ZBBX: variants seen among roughly 807,000 people sequenced by gnomAD.
ZBBX encodes zinc finger B-box domain-containing protein 1.
Under a neutral mutation model 108.5 loss-of-function variants are expected in ZBBX, and 101 were observed. The observed-to-expected ratio is 0.93, with a 90% CI of 0.79 to 1.10. ZBBX has a LOEUF of 1.10. ZBBX is among the 50% of genes least tolerant of loss of function. The pLI is 0.00. For missense variants in ZBBX, 1,009 were observed against 941.4 expected, an observed-to-expected ratio of 1.07 and a Z score of -0.94; for synonymous variants, 356 against 323.4, an observed-to-expected ratio of 1.10 and a Z score of -1.08.
chr3:167,215,601 A>G, the ZBBX span, among the ~76,000 whole-genome samples: 1 of 152,180 alleles, frequency 6.6e-6, no homozygotes, highest in Non-Finnish European at 1.5e-5. Context: ...TAAATTGAAT[A>G]GGAGAGACTT....
At chr3:167,217,367 G>T in the ZBBX span, among the ~76,000 whole-genome samples, 1 of 152,096 alleles carries the variant, frequency 6.6e-6, no homozygotes, top group East Asian at 1.9e-4. Context: ...ATGAAAAAAA[G>T]TTCAATATCA....
intron 9 of ZBBX, among the ~76,000 whole-genome samples, chr3:167,348,756 G>A (rs1236262680): frequency 6.6e-6 from 1 of 151,836 alleles, no homozygotes; most frequent in Non-Finnish European, 1.5e-5. Flanking sequence ...ATATATATAT[G>A]AAGTGTATAT....
At chr3:167,369,103 C>T (rs1007953727) in intron 4 of ZBBX, among the ~76,000 whole-genome samples, 1 of 152,126 alleles carries the variant, frequency 6.6e-6, no homozygotes, top group East Asian at 1.9e-4. Context: ...CCCCTATTAA[C>T]AGTTTTGGTA....
At position 167,298,359 on chromosome 3, in the gene ZBBX, G is replaced by A. The variant is rs1576927316; in HGVS notation, c.1825C>T (p.Leu609Phe). 1 of 1,601,226 alleles carries A rather than the reference G, an allele frequency of 6.2e-7. No individual in the cohort carries two copies. The highest frequency in any genetic ancestry group is 1.3e-5 in the African/African-American group (1 of 74,678). Residue 609 changes from leucine (L) to phenylalanine (F), a missense_variant, in exon 18 of 22, where the codon CTT becomes TTT. Leu to Phe is a conservative substitution (Grantham distance 22). Transcript: ENST00000675490. ...TTGCATTCTAAACGATGAGAAGGAA[G>A]TAAGTTGAGTCTTTCATTTGTATCA... ...IFDTNERLNL[L>F]PSHRLECNNS... is the part of the protein sequence containing the mutation.
At chr3:167,251,548 C>T (rs946357198) in intron 20 of ZBBX, among the ~76,000 whole-genome samples, 10 of 152,014 alleles carry the variant, frequency 6.6e-5, no homozygotes, top group Non-Finnish European at 1.3e-4. Flanking sequence ...GTGAGGGGGA[C>T]GGGGGATCCT....
chr3:167,290,294 T>C (rs75265586), intron 18 of ZBBX, among the ~76,000 whole-genome samples: 7,668 of 152,188 alleles, frequency 0.05, 531 homozygotes, highest in African/African-American at 0.15. Flanking sequence ...AGACACCTCT[T>C]ACAGGAGAGC....
At chr3:167,202,858 G>A in the ZBBX span, among the ~76,000 whole-genome samples, 2 of 151,994 alleles carry the variant, frequency 1.3e-5, no homozygotes, top group Non-Finnish European at 2.9e-5. Flanking sequence ...ACCAACTGAG[G>A]GACCCATTAT....
At chr3:167,206,895 C>T in the ZBBX span, among the ~76,000 whole-genome samples, 3 of 152,112 alleles carry the variant, frequency 2.0e-5, no homozygotes, top group African/African-American at 7.2e-5. Flanking sequence ...AAAGGACAGC[C>T]TCTTCAATAA....
chr3:167,254,846 A>T (rs1042667909), intron 20 of ZBBX, among the ~76,000 whole-genome samples: 1 of 148,548 alleles, frequency 6.7e-6, no homozygotes, highest in Non-Finnish European at 1.5e-5. Context: ...TTCTCCAAGC[A>T]TTCAGTCAGG....
intron 9 of ZBBX, among the ~76,000 whole-genome samples, chr3:167,341,847 TACTA>T (rs879600266): frequency 7.2e-5 from 11 of 152,058 alleles, no homozygotes; most frequent in Middle Eastern, 6.8e-3. Flanking sequence ...AGAATAAACT[TACTA>T]ACAAATAGCA....
the ZBBX span, among the ~76,000 whole-genome samples, chr3:167,195,756 G>C: frequency 6.6e-6 from 1 of 152,196 alleles, no homozygotes; most frequent in Non-Finnish European, 1.5e-5. Flanking sequence ...ACGGCCTAAA[G>C]AAAGCCCCAA....
chr3:167,392,541 A>G (rs1244041583), intron 1 of ZBBX, among the ~76,000 whole-genome samples: 1 of 151,814 alleles, frequency 6.6e-6, no homozygotes, highest in Non-Finnish European at 1.5e-5. Flanking sequence ...ATAAAGTTCT[A>G]GTTGCTGCTC....
chr3:167,212,291 C>T, the ZBBX span, among the ~76,000 whole-genome samples: 5 of 152,322 alleles, frequency 3.3e-5, no homozygotes, highest in East Asian at 1.9e-4. Flanking sequence ...CATATCTTCT[C>T]ACCGAGCAGT....
chr3:167,277,733 T>C (rs1727896296), intron 20 of ZBBX, among the ~76,000 whole-genome samples: 1 of 151,978 alleles, frequency 6.6e-6, no homozygotes, highest in African/African-American at 2.4e-5. Flanking sequence ...TGAACTCAGC[T>C]CTGCACCAAG....
At chr3:167,350,682 T>A (rs1389190681) in intron 8 of ZBBX, among the ~76,000 whole-genome samples, 167 bp from the exon 9 acceptor site, 1 of 151,588 alleles carries the variant, frequency 6.6e-6, no homozygotes, top group Non-Finnish European at 1.5e-5. Context: ...GTCCCTTAAC[T>A]GGGACTAGTT....
the ZBBX span, among the ~76,000 whole-genome samples, chr3:167,208,257 G>A: frequency 6.6e-6 from 1 of 152,176 alleles, no homozygotes; most frequent in Non-Finnish European, 1.5e-5. Context: ...GCAAATCCTG[G>A]GCCAGTCCTG....
At chr3:167,183,393 G>A in the ZBBX span, among the ~76,000 whole-genome samples, 1 of 152,112 alleles carries the variant, frequency 6.6e-6, no homozygotes, top group Non-Finnish European at 1.5e-5. Context: ...CCTTTGACCC[G>A]GGTTCAAGCC....
In ZBBX at chr3:167,330,871, G is replaced by GAGA. The variant is rs1303832807; in HGVS notation, c.688-2758_688-2756dup. ...GGAGGAGGAGGAGGAGGAGGAGGAG[G>GAGA]AGAAGAAGAAGAAGAAGAAGAAGAA... On this transcript the variant is annotated intron_variant, in intron 10 of 21. Transcript: ENST00000675490. Among the ~76,000 whole-genome samples, 286 of 43,960 alleles carry GAGA rather than the reference G, an allele frequency of 6.5e-3. 5 individuals are homozygous for GAGA. The highest frequency in any genetic ancestry group is 8.2e-3 in the South Asian group (7 of 852). 28.8% of individuals were successfully genotyped at this position (43,960 alleles called of 152,430 possible).
chr3:167,345,791 A>T (rs1741342845), intron 9 of ZBBX, among the ~76,000 whole-genome samples: 1 of 151,920 alleles, frequency 6.6e-6, no homozygotes, highest in African/African-American at 2.4e-5. Flanking sequence ...AGCTGGAGGC[A>T]TCACGCTACC....
Sources: allele counts gnomAD v4.1 joint callset (sites outside exome capture counted in the v4.1 genomes callset), GRCh38; gene constraint gnomAD v4.1.1; transcripts MANE v1.5; gene names NCBI Gene and HGNC (gene_info 2026-07-23, HGNC 2026-07-21).